The following ELAPOR2 variants were observed in gnomAD, a reference collection of about 807,000 sequenced individuals.
The protein encoded by ELAPOR2 is endosome-lysosome associated apoptosis and autophagy regulator family member 2.
In ELAPOR2, 89 loss-of-function variants were observed where a neutral mutation model predicts 120.7. That is an observed-to-expected ratio of 0.74 (90% CI 0.62 to 0.88). ELAPOR2 has a LOEUF of 0.88. Ranked by LOEUF, ELAPOR2 falls within the 40% of genes least tolerant of loss-of-function variation. The pLI, the probability that ELAPOR2 is intolerant of heterozygous loss-of-function variation, is 0.00. For missense variants in ELAPOR2, 1,134 were observed against 1,251.6 expected, an observed-to-expected ratio of 0.91 and a Z score of 1.42; for synonymous variants, 444 against 444.9, an observed-to-expected ratio of 1.00 and a Z score of 0.03.
intron 21 of ELAPOR2, among the ~76,000 whole-genome samples, chr7:86,888,121 T>C (rs1799778353): frequency 6.6e-6 from 1 of 151,972 alleles, no homozygotes; most frequent in Admixed American, 6.6e-5. Context: ...TGATTATAGA[T>C]AAGAGAGATA....
chr7:86,945,034 G>C lies in ELAPOR2; in HGVS notation c.519C>G (p.Ile173Met), dbSNP rs370833499. ...TAGATTCTATGTAGTTTCCACGAGGGATCCAAGAAGAGCTGTGGAAACAAA... is the reference window on the plus strand; with the variant it reads ...TAGATTCTATGTAGTTTCCACGAGGCATCCAAGAAGAGCTGTGGAAACAAA... The part of the protein sequence containing the change: ...RPDGCNNSSW[I>M]PRGNYIESNR... Residue 173 changes from isoleucine (I) to methionine (M), a missense_variant, in exon 4 of 22, where the codon ATC becomes ATG. Ile to Met is a conservative substitution (Grantham distance 10). Transcript: ENST00000450689. 3 of 1,548,290 alleles carry C rather than the reference G, an allele frequency of 1.9e-6. No homozygotes were observed. In the East Asian group the frequency reaches 7.4e-5, roughly 38 times the overall value.
At chr7:86,944,867 A>T (rs761881651) in intron 4 of ELAPOR2, 32 bp downstream of exon 4, 20 of 1,503,064 alleles carry the variant, frequency 1.3e-5, no homozygotes, top group Non-Finnish European at 8.9e-7. Flanking sequence ...ATGTCCCTTA[A>T]AAAGTAAATT....
At chr7:86,985,502 T>C (rs12704308) in intron 1 of ELAPOR2, among the ~76,000 whole-genome samples, 57,528 of 151,938 alleles carry the variant, frequency 0.38, 11,741 homozygotes, top group African/African-American at 0.53. Context: ...ACAATCAAGT[T>C]GGCTTCAGCC....
chr7:86,889,464 G>A (rs1424344192), intron 21 of ELAPOR2, among the ~76,000 whole-genome samples: 1 of 151,294 alleles, frequency 6.6e-6, no homozygotes, highest in Non-Finnish European at 1.5e-5. Flanking sequence ...CTATAATACT[G>A]GTTTTGTTTT....
rs202204265 is a variant in ELAPOR2 at position 86,897,599 on chromosome 7, C to T, written c.2592G>A (p.Thr864=). The T allele has an allele frequency of 1.9e-5, 31 of 1,613,136 alleles. No individual in the cohort carries two copies. Among genetic ancestry groups the T allele is most frequent in the Admixed American group, 1.7e-4 (10 of 59,908 alleles). The change falls in exon 19 of 22, where the codon ACG becomes ACA. Residue 864 remains threonine (T), a synonymous_variant. Transcript: ENST00000450689. The part of the protein sequence containing the change: ...KCPAGTCDGC[T]FYFLWESAEA... ...CAGCACTCTCCCACAGGAAATAGAA[C>T]GTACACCCATCACAGGTACCTGCTG...
intron 15 of ELAPOR2, 163 bp downstream of exon 15, chr7:86,911,909 C>A: frequency 1.4e-6 from 1 of 716,742 alleles, no homozygotes; most frequent in Non-Finnish European, 2.3e-6. Context: ...GTGGAGAAAT[C>A]TGCCAATATT....
intron 1 of ELAPOR2, among the ~76,000 whole-genome samples, chr7:86,989,091 C>A (rs149735861): frequency 2.6e-5 from 4 of 152,210 alleles, no homozygotes; most frequent in African/African-American, 9.6e-5. Context: ...TATTCTCATG[C>A]TATTAAAATA....
At chr7:86,963,940 G>A (rs916010246) in intron 2 of ELAPOR2, among the ~76,000 whole-genome samples, 3 of 152,088 alleles carry the variant, frequency 2.0e-5, no homozygotes, top group African/African-American at 7.2e-5. Context: ...AAGAAATAAT[G>A]GTATTTTTCC....
chr7:86,931,246 C>A (rs1281516127), intron 8 of ELAPOR2, among the ~76,000 whole-genome samples: 1 of 151,866 alleles, frequency 6.6e-6, no homozygotes, highest in Non-Finnish European at 1.5e-5. Flanking sequence ...TATATACACA[C>A]ACATGCACAT....
intron 2 of ELAPOR2, among the ~76,000 whole-genome samples, chr7:86,961,226 TA>T (rs1247590898): frequency 6.6e-6 from 1 of 152,222 alleles, no homozygotes; most frequent in Non-Finnish European, 1.5e-5. Flanking sequence ...GATCCTTTCC[TA>T]AATTAAAGAT....
chr7:86,895,007 C>T (rs1788372653), intron 19 of ELAPOR2, among the ~76,000 whole-genome samples: 1 of 151,786 alleles, frequency 6.6e-6, no homozygotes, highest in African/African-American at 2.4e-5. Flanking sequence ...AACATACGCG[C>T]CTGTATTAGA....
intron 21 of ELAPOR2, among the ~76,000 whole-genome samples, chr7:86,881,554 CACTA>C (rs1251339969): frequency 6.6e-6 from 1 of 152,172 alleles, no homozygotes; most frequent in East Asian, 1.9e-4. Flanking sequence ...GACGGGGTTT[CACTA>C]TGTTGGCCAG....
chr7:87,049,753 A>G (rs4728671), intron 1 of ELAPOR2, among the ~76,000 whole-genome samples: 85,761 of 151,700 alleles, frequency 0.57, 24,898 homozygotes, highest in East Asian at 0.76. Flanking sequence ...TAGGAAGAAC[A>G]AGTAGACTGG....
At chr7:87,052,046 G>C (rs1795116726) in intron 1 of ELAPOR2, among the ~76,000 whole-genome samples, 1 of 152,220 alleles carries the variant, frequency 6.6e-6, no homozygotes, top group Admixed American at 6.5e-5. Flanking sequence ...TATTTAAGGA[G>C]TTTCTAAGAC....
chr7:86,976,239 T>G (rs1792280291), intron 1 of ELAPOR2, among the ~76,000 whole-genome samples: 3 of 152,166 alleles, frequency 2.0e-5, no homozygotes, highest in Admixed American at 2.0e-4. Flanking sequence ...TTTTCTTCCT[T>G]CCTTCACTTG....
rs181250656 is a variant in ELAPOR2 at position 86,988,627 on chromosome 7, C to T, written c.190-23603G>A. 2.0e-5 allele frequency among the ~76,000 whole-genome samples: 3 copies of T among 152,262 alleles called. No individual in the cohort carries two copies. The East Asian group carries it at 5.8e-4, about 29-fold the overall frequency. ...AGAAACAAGTGTATCCTAGGCAGTA[C>T]AACGATCATAGTAACTGCCATTACT... On this transcript the variant is annotated intron_variant, in intron 1 of 21. Transcript: ENST00000450689.
intron 8 of ELAPOR2, among the ~76,000 whole-genome samples, chr7:86,931,707 T>A (rs139842519): frequency 1.3e-3 from 199 of 151,978 alleles, no homozygotes; most frequent in Non-Finnish European, 1.7e-3. Flanking sequence ...AGTCCCTGTA[T>A]ACAGGAAGCT....
At chr7:86,936,269 A>T (rs935296981) in intron 8 of ELAPOR2, among the ~76,000 whole-genome samples, 3 of 152,032 alleles carry the variant, frequency 2.0e-5, no homozygotes, top group Non-Finnish European at 4.4e-5. Context: ...TACAGTGGCT[A>T]TTCACAGGTG....
intron 1 of ELAPOR2, among the ~76,000 whole-genome samples, chr7:87,003,513 T>C (rs966776439): frequency 6.6e-6 from 1 of 152,166 alleles, no homozygotes; most frequent in African/African-American, 2.4e-5. Context: ...CTTTCTCTCC[T>C]GCTGGCCATG....
Sources: allele counts gnomAD v4.1 joint callset (sites outside exome capture counted in the v4.1 genomes callset), GRCh38; gene constraint gnomAD v4.1.1; transcripts MANE v1.5; gene names NCBI Gene and HGNC (gene_info 2026-07-23, HGNC 2026-07-21).